Variants in DOCK5 observed in about 807,000 individuals in gnomAD.
DOCK5 encodes dedicator of cytokinesis 5.
DOCK5 carries 142 observed loss-of-function variants against 251.8 expected under a neutral mutation model. The observed-to-expected ratio is 0.56, with a 90% CI of 0.49 to 0.65. The LOEUF (loss-of-function observed/expected upper bound fraction) is 0.65. Ranked by LOEUF, DOCK5 falls within the 30% of genes least tolerant of loss-of-function variation. The pLI is 0.00. For synonymous variants in DOCK5, 842 were observed against 835.5 expected (o/e 1.01, Z -0.13); for missense variants, 2,111 against 2,312.3 (o/e 0.91, Z 1.79).
chr8:25,389,324 T>C, intron 41 of DOCK5, 92 bp downstream of exon 41: 1 of 1,465,758 alleles, frequency 6.8e-7, no homozygotes. Context: ...CAGTCCCTTC[T>C]CTGCAGACAC....
intron 26 of DOCK5, among the ~76,000 whole-genome samples, chr8:25,349,238 A>T (rs1220567913): frequency 6.6e-6 from 1 of 152,246 alleles, no homozygotes; most frequent in African/African-American, 2.4e-5. Context: ...AAAGGGGAAC[A>T]TTGTTACACT....
At chr8:25,381,869 T>G (rs914983307) in intron 39 of DOCK5, among the ~76,000 whole-genome samples, 2 of 152,140 alleles carry the variant, frequency 1.3e-5, no homozygotes, top group African/African-American at 4.8e-5. Context: ...CCCCTCATCT[T>G]GTGAAGAATT....
chr8:25,334,179 C>T lies in DOCK5; in HGVS notation c.2175C>T (p.Ser725=), dbSNP rs569077100. 35 of 1,613,526 alleles carry T rather than the reference C, an allele frequency of 2.2e-5. No individual in the cohort carries two copies. Among genetic ancestry groups the T allele is most frequent in the Admixed American group, 1.3e-4 (8 of 60,020 alleles). The part of the protein sequence containing the change: ...VLETYIYKHF[S]ATLAYVKLSK... ...AAACCTACATTTACAAGCACTTCAG[C>T]GCCACTTTGGCATATGTGTAAGTAT... The change falls in exon 21 of 52, where the codon AGC becomes AGT. Residue 725 remains serine, a synonymous_variant. Coordinates refer to ENST00000276440, the MANE Select transcript of DOCK5 (RefSeq NM_024940.8).
At chr8:25,404,820 C>A (rs1181285879) in intron 48 of DOCK5, among the ~76,000 whole-genome samples, 6 of 152,060 alleles carry the variant, frequency 3.9e-5, no homozygotes, top group Non-Finnish European at 1.5e-5. Flanking sequence ...AAAGATTATA[C>A]CAGTTTACAC....
chr8:25,278,233 G>C (rs1804099692), intron 4 of DOCK5, among the ~76,000 whole-genome samples: 1 of 152,118 alleles, frequency 6.6e-6, no homozygotes, highest in African/African-American at 2.4e-5. Context: ...GGTGGAACCA[G>C]CTAAAATGCT....
intron 10 of DOCK5, among the ~76,000 whole-genome samples, chr8:25,302,850 C>T (rs1449277985): frequency 6.6e-6 from 1 of 152,160 alleles, no homozygotes; most frequent in Non-Finnish European, 1.5e-5. Context: ...CTATATGAGG[C>T]ACCTAGAGTA....
At position 25,412,327 on chromosome 8, in the gene DOCK5, A is replaced by T. The variant is rs1457169965; in HGVS notation, c.*1029A>T. 3 of 152,174 alleles carry T rather than the reference A, an allele frequency of 2.0e-5. No individual in the cohort carries two copies. In the East Asian group the frequency reaches 5.8e-4, roughly 29 times the overall value. 9.4% of individuals were successfully genotyped at this position (152,174 alleles called of 1,614,324 possible). The stretch of plus-strand genomic sequence containing the variant: ...TGGTACTAGTAGTACTCCTTTCAGA[A>T]GAAAAAATGGAGCGATTTAGGTGAC... On this transcript the variant is annotated 3_prime_UTR_variant, in exon 52 of 52. Coordinates refer to ENST00000276440, the MANE Select transcript of DOCK5 (RefSeq NM_024940.8).
intron 49 of DOCK5, among the ~76,000 whole-genome samples, chr8:25,408,601 G>C (rs938648814): frequency 2.6e-5 from 4 of 152,160 alleles, no homozygotes; most frequent in African/African-American, 9.7e-5. Flanking sequence ...CAAGTCTGTG[G>C]CCATTCAGAA....
At chr8:25,319,792 A>G (rs1423531318) in intron 15 of DOCK5, 116 bp downstream of exon 15, 12 of 666,746 alleles carry the variant, frequency 1.8e-5, no homozygotes, top group South Asian at 1.4e-4. Flanking sequence ...TAAGTTGCCT[A>G]TGGTGTGCAG....
At chr8:25,304,194 A>G in intron 10 of DOCK5, 61 bp from the exon 11 acceptor site, 5 of 1,396,094 alleles carry the variant, frequency 3.6e-6, no homozygotes, top group South Asian at 2.7e-5. Context: ...GTCCTTTTCC[A>G]TAGTAACTTA....
chr8:25,190,793 T>TC (rs1355209870), intron 1 of DOCK5, among the ~76,000 whole-genome samples: 1 of 122,812 alleles, frequency 8.1e-6, no homozygotes, highest in South Asian at 2.9e-4. Flanking sequence ...TTTTTTTTTT[T>TC]TTTTTTTTGA....
chr8:25,391,214 T>G (rs1269848058), intron 42 of DOCK5, among the ~76,000 whole-genome samples: 17 of 141,830 alleles, frequency 1.2e-4, no homozygotes, highest in Non-Finnish European at 2.3e-4. Context: ...TGTGTGTGTG[T>G]GTGTGTGTGT....
At chr8:25,202,270 G>T (rs577313528) in intron 1 of DOCK5, among the ~76,000 whole-genome samples, 1 of 152,140 alleles carries the variant, frequency 6.6e-6, no homozygotes, top group East Asian at 1.9e-4. Flanking sequence ...CACCTGCCTC[G>T]GCCTCCCAAA....
At chr8:25,372,146 A>C (rs1800884289) in intron 34 of DOCK5, among the ~76,000 whole-genome samples, 1 of 152,258 alleles carries the variant, frequency 6.6e-6, no homozygotes, top group South Asian at 2.1e-4. Context: ...CCTTAGGGAG[A>C]ATAAAGACAT....
Position 25,401,665 on chromosome 8 carries a change from C to T in DOCK5, c.4926+599C>T, listed in dbSNP as rs193245771. Among the ~76,000 whole-genome samples the T allele has an allele frequency of 1.2e-3, 175 of 150,750 alleles. 3 individuals carry two copies. Among genetic ancestry groups the T allele is most frequent in the African/African-American group, 4.1e-3 (168 of 40,942 alleles). ...AAGAGAATTGCTTGTACCCAGGAGG[C>T]GGAGGTTTCATTGAGCCGAGATCAC... On this transcript the variant is annotated intron_variant, in intron 47 of 51. Transcript: ENST00000276440.
intron 26 of DOCK5, among the ~76,000 whole-genome samples, chr8:25,350,974 CAG>C (rs1231537430): frequency 6.6e-6 from 1 of 152,168 alleles, no homozygotes; most frequent in African/African-American, 2.4e-5. Context: ...CCCTCCAACA[CAG>C]AAGGTGGTAA....
intron 40 of DOCK5, among the ~76,000 whole-genome samples, chr8:25,387,219 T>C (rs1801181109): frequency 6.8e-6 from 1 of 146,770 alleles, no homozygotes; most frequent in African/African-American, 2.5e-5. Flanking sequence ...TCTCGCTCTG[T>C]CATCCAGGCT....
At chr8:25,329,579 A>C (rs1805636052) in intron 18 of DOCK5, among the ~76,000 whole-genome samples, 1 of 152,208 alleles carries the variant, frequency 6.6e-6, no homozygotes, top group South Asian at 2.1e-4. Flanking sequence ...TCTGACAAGA[A>C]TGTAAAATGA....
At chr8:25,314,455 C>T (rs1020141933) in intron 13 of DOCK5, among the ~76,000 whole-genome samples, 1 of 151,942 alleles carries the variant, frequency 6.6e-6, no homozygotes, top group African/African-American at 2.4e-5. Context: ...TACTCAGCAT[C>T]CCCATTTGGA....
Sources: allele counts gnomAD v4.1 joint callset (sites outside exome capture counted in the v4.1 genomes callset), GRCh38; gene constraint gnomAD v4.1.1; transcripts MANE v1.5; gene names NCBI Gene and HGNC (gene_info 2026-07-23, HGNC 2026-07-21).